Variants in SYNE2 observed in about 807,000 individuals in gnomAD.
SYNE2 encodes nesprin-2.
In SYNE2, 431 loss-of-function variants were observed where a neutral mutation model predicts 856.3. That is an observed-to-expected ratio of 0.50 (90% confidence interval 0.47 to 0.55). The LOEUF (loss-of-function observed/expected upper bound fraction) is 0.55, where lower values mean the gene tolerates loss of function less well. Among genes scored for constraint, SYNE2 ranks in the 20% least tolerant of loss-of-function variants. The pLI is 0.00. For missense variants in SYNE2, 8,129 were observed against 8,023.2 expected (o/e 1.01, Z -0.50); for synonymous variants, 2,923 against 2,872.3 (o/e 1.02, Z -0.56).
At chr14:63,805,122 C>A (rs981796849) in intron 1 of SYNE2, among the ~76,000 whole-genome samples, 1 of 152,130 alleles carries the variant, frequency 6.6e-6, no homozygotes, top group Non-Finnish European at 1.5e-5. Flanking sequence ...GTACCGATAC[C>A]GTACTAGCCT....
intron 1 of SYNE2, among the ~76,000 whole-genome samples, chr14:63,879,094 G>C (rs1381232474): frequency 1.3e-5 from 2 of 152,004 alleles, no homozygotes; most frequent in African/African-American, 4.8e-5. Context: ...GAGTTTACAG[G>C]AGCACAAACT....
intron 84 of SYNE2, among the ~76,000 whole-genome samples, 164 bp downstream of exon 84, chr14:64,146,387 A>G (rs568495360): frequency 6.6e-6 from 1 of 152,312 alleles, no homozygotes; most frequent in Admixed American, 6.5e-5. Flanking sequence ...GGGTTTTACA[A>G]AATTGCAAAG....
At position 64,087,961 on chromosome 14, in the gene SYNE2, T is replaced by A; in HGVS notation, c.11670+105T>A. 2.5e-6 allele frequency: 3 copies of A among 1,200,046 alleles called. No individual in the cohort carries two copies. In the South Asian group the frequency reaches 3.9e-5, roughly 15 times the overall value. The allele number at this position is 1,200,046 out of a possible 1,614,324, so 74.3% of individuals were successfully genotyped here. A position where few individuals can be genotyped will look rare whatever the true frequency, so the allele number is the denominator to read the frequency against. On this transcript the variant is annotated intron_variant, in intron 58 of 115. Transcript: ENST00000555002. ...ACTTTGGGAGGCCAAGGCGGGTGGA[T>A]CACTTGAGGTCAGGAGTTCAAGACA...
intron 1 of SYNE2, among the ~76,000 whole-genome samples, chr14:63,869,779 G>C (rs1959035): frequency 0.63 from 95,710 of 151,416 alleles, 30,680 homozygotes; most frequent in South Asian, 0.77. Flanking sequence ...GATAGATCTC[G>C]CACTAATCTT....
At chr14:64,200,118 T>C (rs1402245476) in intron 99 of SYNE2, among the ~76,000 whole-genome samples, 1 of 152,130 alleles carries the variant, frequency 6.6e-6, no homozygotes, top group African/African-American at 2.4e-5. Flanking sequence ...ATTCTTCCGG[T>C]GTGTTAATTG....
intron 51 of SYNE2, among the ~76,000 whole-genome samples, chr14:64,066,151 T>C (rs2097357164): frequency 6.6e-6 from 1 of 152,204 alleles, no homozygotes; most frequent in African/African-American, 2.4e-5. Context: ...AATGTTAATT[T>C]AACCTTGGTT....
intron 1 of SYNE2, among the ~76,000 whole-genome samples, chr14:63,829,310 G>A (rs77159734): frequency 3.9e-5 from 6 of 152,098 alleles, no homozygotes; most frequent in African/African-American, 9.6e-5. Flanking sequence ...CCAGCTACTC[G>A]GGAGGCTGAG....
At chr14:63,996,583 C>G (rs1195657336) in intron 23 of SYNE2, among the ~76,000 whole-genome samples, 1 of 151,980 alleles carries the variant, frequency 6.6e-6, no homozygotes, top group Non-Finnish European at 1.5e-5. Context: ...CTTGGTGGTC[C>G]TTCTGCTAGA....
chr14:63,998,826 G>C, intron 26 of SYNE2, 88 bp from the exon 27 acceptor site: 1 of 1,504,304 alleles, frequency 6.6e-7, no homozygotes, highest in South Asian at 1.1e-5. Context: ...GCCTCCCAAA[G>C]TGCTAGGATT....
At position 64,158,794 on chromosome 14, in the gene SYNE2, A is replaced by G; in HGVS notation, c.15962A>G (p.Gln5321Arg). The G allele has an allele frequency of 1.2e-6, 2 of 1,613,838 alleles. No individual in the cohort carries two copies. Among genetic ancestry groups the G allele is most frequent in the Non-Finnish European group, 1.7e-6 (2 of 1,179,794 alleles). Reference protein sequence around the residue: ...ETLRCQVENLQSLQDEAESSE... With the variant: ...ETLRCQVENLRSLQDEAESSE... ...TTGAGATGCCAGGTGGAGAACCTTCAGGTAAATTAACCAGAGCTTGGCATG... is the reference window on the plus strand; with the variant it reads ...TTGAGATGCCAGGTGGAGAACCTTCGGGTAAATTAACCAGAGCTTGGCATG... Residue 5321 changes from glutamine (Q) to arginine (R), a missense_variant and splice_region_variant, in exon 86 of 116, where the codon CAG becomes CGG. Transcript: ENST00000555002.
rs1312950633 is a variant in SYNE2 at position 64,225,931 on chromosome 14, G to A, written c.*405G>A. ...AGCGAGGACATTCCACCCTAGAAAT[G>A]GTTCAGAAACTCATAGGCACCCTTA... On this transcript the variant is annotated 3_prime_UTR_variant, in exon 116 of 116. Transcript: ENST00000555002. 5 of 385,888 alleles carry A rather than the reference G, an allele frequency of 1.3e-5. No individual in the cohort carries two copies. The highest frequency in any genetic ancestry group is 9.4e-5 in the East Asian group (2 of 21,316). The allele number at this position is 385,888 out of a possible 1,614,324, so 23.9% of individuals were successfully genotyped here. A position where few individuals can be genotyped will look rare whatever the true frequency, so the allele number is the denominator to read the frequency against.
Position 64,210,053 on chromosome 14 carries a change from A to T in SYNE2, c.18652A>T (p.Met6218Leu), listed in dbSNP as rs369111057. Residue 6218 changes from methionine (M) to leucine (L), a missense_variant, in exon 103 of 116, where the codon ATG becomes TTG. Coordinates refer to ENST00000555002, the MANE Select transcript of SYNE2 (RefSeq NM_182914.3). Reference protein sequence around the residue: ...RTDTASRLKQMVHEGNQRWDN... With the variant: ...RTDTASRLKQLVHEGNQRWDN... The stretch of plus-strand genomic sequence containing the variant: ...AGACACGGCCAGCAGGCTGAAGCAG[A>T]TGGTCCACGAGGGCAACCAGCGCTG... 1.2e-6 allele frequency: 2 copies of T among 1,614,012 alleles called. No homozygotes were observed. Among genetic ancestry groups the T allele is most frequent in the African/African-American group, 2.7e-5 (2 of 74,940 alleles).
intron 1 of SYNE2, among the ~76,000 whole-genome samples, chr14:63,865,957 T>G (rs1281192535): frequency 1.1e-4 from 16 of 152,110 alleles, no homozygotes; most frequent in Non-Finnish European, 1.5e-5. Flanking sequence ...ACCCTTTATC[T>G]CCAATGACTT....
At position 63,993,897 on chromosome 14, in the gene SYNE2, A is replaced by G. The variant is rs1432766720; in HGVS notation, c.2709A>G (p.Leu903=). 1 of 1,612,892 alleles carries G rather than the reference A, an allele frequency of 6.2e-7. No homozygotes were observed. Among genetic ancestry groups the G allele is most frequent in the Admixed American group, 1.7e-5 (1 of 59,958 alleles). Residue 903 remains leucine, a synonymous_variant, in exon 22 of 116, where the codon CTA becomes CTG. Transcript: ENST00000555002. Reference sequence around the variant, plus strand: ...AGTATTTGAAAGCTGTTGAAGAACTAAAAAATAATGTAACTGAGGACATAA... The same window carrying G: ...AGTATTTGAAAGCTGTTGAAGAACTGAAAAATAATGTAACTGAGGACATAA... The part of the protein sequence containing the change: ...LAKYLKAVEE[L]KNNVTEDIKM...
chr14:64,038,523 T>A (rs1400114849), intron 45 of SYNE2, among the ~76,000 whole-genome samples: 2 of 152,124 alleles, frequency 1.3e-5, no homozygotes, highest in African/African-American at 4.8e-5. Context: ...CGAGCCGAGA[T>A]CACGCCACTG....
chr14:63,997,212 C>T (rs1402330819), intron 24 of SYNE2, 54 bp downstream of exon 24: 11 of 1,588,984 alleles, frequency 6.9e-6, no homozygotes, highest in East Asian at 2.2e-5. Flanking sequence ...GCCTTTTGCA[C>T]GATCAAATGA....
At chr14:64,197,584 C>A (rs1286594242) in intron 99 of SYNE2, among the ~76,000 whole-genome samples, 4 of 152,182 alleles carry the variant, frequency 2.6e-5, no homozygotes, top group Admixed American at 2.6e-4. Flanking sequence ...GATACTTGAA[C>A]CATCTCAGTT....
chr14:64,093,960 C>T (rs1406964271), intron 61 of SYNE2, among the ~76,000 whole-genome samples: 1 of 152,102 alleles, frequency 6.6e-6, no homozygotes, highest in Non-Finnish European at 1.5e-5. Context: ...CAGTGAAGAC[C>T]CTGAATACTA....
chr14:64,020,093 G>A lies in SYNE2; in HGVS notation c.5151G>A (p.Gln1717=). The A allele has an allele frequency of 6.2e-7, 1 of 1,603,904 alleles. No individual in the cohort carries two copies. Among genetic ancestry groups the A allele is most frequent in the Non-Finnish European group, 8.5e-7 (1 of 1,171,104 alleles). ...GCAGTGAAATACCTCTTGAATTGCA[G>A]GTAAGAATTTTTATTTAAAAGTTTC... ...LQSSEIPLEL[Q]VMESSILNKM... The change falls in exon 35 of 116, where the codon CAG becomes CAA. Residue 1717 remains glutamine (Q), a splice_region_variant and synonymous_variant. Coordinates refer to ENST00000555002, the MANE Select transcript of SYNE2 (RefSeq NM_182914.3).
Sources: allele counts gnomAD v4.1 joint callset (sites outside exome capture counted in the v4.1 genomes callset), GRCh38; gene constraint gnomAD v4.1.1; transcripts MANE v1.5; gene names NCBI Gene and HGNC (gene_info 2026-07-23, HGNC 2026-07-21).